The following UNC5C variants were observed in gnomAD, a reference collection of about 807,000 sequenced individuals.
The protein encoded by UNC5C is unc-5 netrin receptor C.
A neutral mutation model predicts 99.8 loss-of-function variants in UNC5C; 47 were observed. The ratio of observed to expected loss-of-function variants is 0.47; its 90% CI spans 0.37 to 0.60. The LOEUF (loss-of-function observed/expected upper bound fraction) is 0.60, where lower values mean the gene tolerates loss of function less well. Ranked by LOEUF, UNC5C falls within the 20% of genes least tolerant of loss-of-function variation. The pLI is 0.00. For synonymous variants in UNC5C, 487 were observed against 452.2 expected (o/e 1.08, Z -0.98); for missense variants, 1,062 against 1,165.9 (o/e 0.91, Z 1.30).
intron 1 of UNC5C, among the ~76,000 whole-genome samples, chr4:95,342,658 AG>A (rs1475162417): frequency 6.6e-6 from 1 of 151,784 alleles, no homozygotes; most frequent in Non-Finnish European, 1.5e-5. Flanking sequence ...GAAGAGTAAA[AG>A]GGAGTTTGTC....
chr4:95,310,383 C>A (rs1254683566), intron 2 of UNC5C, among the ~76,000 whole-genome samples: 1 of 151,696 alleles, frequency 6.6e-6, no homozygotes, highest in Non-Finnish European at 1.5e-5. Flanking sequence ...ATGATGAACA[C>A]AGTTGATGGT....
intron 2 of UNC5C, among the ~76,000 whole-genome samples, chr4:95,326,313 T>C (rs1742880989): frequency 6.6e-6 from 1 of 152,136 alleles, no homozygotes; most frequent in Admixed American, 6.5e-5. Flanking sequence ...AATTTCAACA[T>C]AACCATGGTT....
chr4:95,401,303 T>TA (rs1745689666), intron 1 of UNC5C, among the ~76,000 whole-genome samples: 1 of 152,134 alleles, frequency 6.6e-6, no homozygotes, highest in Middle Eastern at 3.4e-3. Context: ...TTATTTTTAT[T>TA]TTTTTATTTT....
chr4:95,342,566 A>C (rs1282249170), intron 1 of UNC5C, among the ~76,000 whole-genome samples: 3 of 152,002 alleles, frequency 2.0e-5, no homozygotes, highest in Admixed American at 1.3e-4. Context: ...TGCTGGCTTC[A>C]TATGGCTTCA....
chr4:95,425,602 C>G (rs2149458238), intron 1 of UNC5C, among the ~76,000 whole-genome samples: 1 of 152,356 alleles, frequency 6.6e-6, no homozygotes, highest in Admixed American at 6.5e-5. Flanking sequence ...AGCCACCGCG[C>G]CCGGCCTTGT....
At chr4:95,382,458 C>CA (rs11324926) in intron 1 of UNC5C, among the ~76,000 whole-genome samples, 79 of 135,980 alleles carry the variant, frequency 5.8e-4, no homozygotes, top group Middle Eastern at 7.9e-3. Context: ...GACCGTCTGT[C>CA]AAAAAAAAAA....
intron 1 of UNC5C, among the ~76,000 whole-genome samples, chr4:95,364,533 T>C (rs1744494230): frequency 6.6e-6 from 1 of 152,206 alleles, no homozygotes; most frequent in Non-Finnish European, 1.5e-5. Context: ...GAACCAAATG[T>C]GTGGCACCCT....
intron 2 of UNC5C, among the ~76,000 whole-genome samples, chr4:95,316,855 T>C (rs1742494952): frequency 6.6e-6 from 1 of 152,064 alleles, no homozygotes; most frequent in Non-Finnish European, 1.5e-5. Context: ...GGAGATCCTT[T>C]AGCAATACTT....
chr4:95,493,519 C>T (rs1721556710), intron 1 of UNC5C, among the ~76,000 whole-genome samples: 1 of 151,332 alleles, frequency 6.6e-6, no homozygotes. Context: ...GATGGAAACA[C>T]TAGATGGTGA....
At chr4:95,268,344 C>T (rs1560761615) in intron 4 of UNC5C, among the ~76,000 whole-genome samples, 1 of 152,104 alleles carries the variant, frequency 6.6e-6, no homozygotes, top group Non-Finnish European at 1.5e-5. Context: ...AAACAACATC[C>T]CTGCATTTTA....
intron 1 of UNC5C, among the ~76,000 whole-genome samples, chr4:95,458,674 G>A (rs1397161928): frequency 6.6e-6 from 1 of 151,886 alleles, no homozygotes; most frequent in Non-Finnish European, 1.5e-5. Context: ...CTGTCACACA[G>A]GTAATAGGTA....
intron 1 of UNC5C, among the ~76,000 whole-genome samples, chr4:95,354,305 G>C (rs1320229524): frequency 6.6e-6 from 1 of 151,316 alleles, no homozygotes; most frequent in African/African-American, 2.4e-5. Context: ...GGTCTATAGG[G>C]CCTCCATAGC....
intron 1 of UNC5C, among the ~76,000 whole-genome samples, chr4:95,361,129 G>A (rs1002790985): frequency 1.6e-4 from 25 of 152,104 alleles, no homozygotes; most frequent in African/African-American, 3.6e-4. Context: ...AAGACAGCAC[G>A]GATCACATGT....
chr4:95,267,949 AT>A (rs869293955), intron 4 of UNC5C, among the ~76,000 whole-genome samples: 3,820 of 117,486 alleles, frequency 0.033, 221 homozygotes, highest in African/African-American at 0.12. Flanking sequence ...GAATTTTGTG[AT>A]TTTTTTTTTT....
chr4:95,429,961 AC>A (rs1232961564), intron 1 of UNC5C, among the ~76,000 whole-genome samples: 2 of 152,092 alleles, frequency 1.3e-5, no homozygotes, highest in Non-Finnish European at 2.9e-5. Flanking sequence ...AAAAGGCCAA[AC>A]TATGGAGACA....
At chr4:95,296,095 C>CAAAAACCAAAAACT (rs1416598573) in intron 3 of UNC5C, among the ~76,000 whole-genome samples, 4 of 152,148 alleles carry the variant, frequency 2.6e-5, no homozygotes, top group African/African-American at 9.7e-5. Flanking sequence ...CAAAAAATAA[C>CAAAAACCAAAAACT]AAAAACCAAA....
intron 2 of UNC5C, among the ~76,000 whole-genome samples, chr4:95,334,799 C>T (rs1743268540): frequency 1.3e-5 from 2 of 151,800 alleles, no homozygotes; most frequent in Non-Finnish European, 2.9e-5. Flanking sequence ...AGATCAAGAC[C>T]CTCTGAGAAA....
At chr4:95,474,164 A>G (rs140186064) in intron 1 of UNC5C, among the ~76,000 whole-genome samples, 1 of 152,118 alleles carries the variant, frequency 6.6e-6, no homozygotes, top group Non-Finnish European at 1.5e-5. Flanking sequence ...CAAAAATGTG[A>G]TTGCATTTCT....
intron 4 of UNC5C, among the ~76,000 whole-genome samples, chr4:95,257,740 C>T (rs1212627658): frequency 6.6e-6 from 1 of 152,174 alleles, no homozygotes; most frequent in Non-Finnish European, 1.5e-5. Flanking sequence ...GAGTTTTTCT[C>T]TTAAAGTTTT....
Sources: gnomAD v4.1 joint callset for allele counts (sites outside exome capture counted in the v4.1 genomes callset) on GRCh38, gnomAD v4.1.1 for gene constraint, MANE v1.5 for transcripts, NCBI Gene and HGNC (gene_info 2026-07-23, HGNC 2026-07-21) for gene names.